ACSL4: variants seen among roughly 807,000 people sequenced by gnomAD.
ACSL4 encodes the protein long-chain-fatty-acid--CoA ligase 4.
A neutral mutation model predicts 49.1 loss-of-function variants in ACSL4; 9 were observed. The ratio of observed to expected loss-of-function variants is 0.18; its 90% confidence interval spans 0.11 to 0.32. The LOEUF (loss-of-function observed/expected upper bound fraction) is 0.32. Ranked by LOEUF, ACSL4 falls within the 10% of genes least tolerant of loss-of-function variation. The pLI, the probability that ACSL4 is intolerant of heterozygous loss-of-function variation, is 1.00. For missense variants in ACSL4, 333 were observed against 493.7 expected (o/e 0.67, Z 3.08); for synonymous variants, 191 against 170.3 (o/e 1.12, Z -0.95).
intron 1 of ACSL4, among the ~76,000 whole-genome samples, chrX:109,707,441 C>T (rs753423252): frequency 6.2e-5 from 7 of 112,163 alleles, no homozygotes; most frequent in Admixed American, 9.5e-5. Flanking sequence ...GTTATACTTC[C>T]TGCACTTGTA....
intron 6 of ACSL4, among the ~76,000 whole-genome samples, 182 bp downstream of exon 6, chrX:109,680,816 T>C (rs1363168645): frequency 2.7e-5 from 3 of 112,604 alleles, no homozygotes; most frequent in Non-Finnish European, 3.8e-5. Context: ...CTTATTTTTT[T>C]TGAGGAGAAA....
intron 9 of ACSL4, among the ~76,000 whole-genome samples, chrX:109,673,479 G>T (rs376108351): frequency 1.8e-5 from 2 of 112,414 alleles, no homozygotes; most frequent in East Asian, 5.6e-4. Flanking sequence ...TATGGTTTTA[G>T]TCAGATGCCT....
At chrX:109,665,577 C>A in intron 11 of ACSL4, 83 bp from the exon 12 acceptor site, 1 of 840,511 alleles carries the variant, frequency 1.2e-6, no homozygotes, top group Non-Finnish European at 1.8e-6. Context: ...GAGTTAGAAC[C>A]AGAGTCAGAA....
At position 109,682,686 on chromosome X, in the gene ACSL4, C is replaced by T. The variant is rs148309092; in HGVS notation, c.406+33G>A. ...ATTCTCACATGCAAGCAAAGACCCT[C>T]CTCTCCCCCCTCCAAAAACACAAGG... On this transcript the variant is annotated intron_variant, in intron 4 of 15. Coordinates refer to ENST00000672401, the MANE Select transcript of ACSL4 (RefSeq NM_001318510.2). 1.0e-3 allele frequency: 1,251 copies of T among 1,203,157 alleles called. 11 individuals carry two copies. The African/African-American group carries it at 0.017, about 17-fold the overall frequency.
chrX:109,698,768 A>T (rs1427555682), intron 1 of ACSL4, among the ~76,000 whole-genome samples: 5 of 112,336 alleles, frequency 4.5e-5, no homozygotes, highest in Admixed American at 2.8e-4. Context: ...AAAGTGATAT[A>T]AAAAAAGTAA....
chrX:109,678,062 G>C lies in ACSL4; in HGVS notation c.856C>G (p.Leu286Val), dbSNP rs775789189. The change falls in exon 8 of 16, where the codon CTG becomes GTG. Residue 286 changes from leucine (L) to valine (V), a missense_variant. Physicochemically the swap from Leu to Val is conservative, Grantham distance 32 (BLOSUM62 1). Around this residue, in one of 3 missense-constraint regions of ACSL4, gnomAD observed 1 missense variants for 16.8 expected, o/e 0.06. Transcript: ENST00000672401. ...GYLPLAHVLE[L>V]TAEISCFTYG... ...GTAAAGCAAGATATCTCTGCTGTCAGTTCTAGCACATGAGCCAAAGGCAAG... is the reference window on the plus strand; with the variant it reads ...GTAAAGCAAGATATCTCTGCTGTCACTTCTAGCACATGAGCCAAAGGCAAG... 4 of 1,211,056 alleles carry C rather than the reference G, an allele frequency of 3.3e-6. No individual in the cohort carries two copies. Among genetic ancestry groups the C allele is most frequent in the Non-Finnish European group, 4.5e-6 (4 of 894,577 alleles).
intron 1 of ACSL4, among the ~76,000 whole-genome samples, chrX:109,727,351 C>T (rs1300248882): frequency 9.0e-6 from 1 of 111,433 alleles, no homozygotes; most frequent in African/African-American, 3.3e-5. Context: ...GGAGCAAAAA[C>T]ACTACCATGC....
Position 109,642,736 on chromosome X carries a change from C to T in ACSL4, c.*1293G>A, listed in dbSNP as rs1295855988. On this transcript the variant is annotated 3_prime_UTR_variant, in exon 16 of 16. Coordinates refer to ENST00000672401, the MANE Select transcript of ACSL4 (RefSeq NM_001318510.2). ...TAATCCCAGGTTTTAATTAAAGATT[C>T]AAAAAGAAACCACACTCCCAAGTTA... 1 of 111,099 alleles carries T rather than the reference C, an allele frequency of 9.0e-6. No individual in the cohort carries two copies. The highest frequency in any genetic ancestry group is 2.8e-4 in the East Asian group (1 of 3,587). 9.2% of individuals were successfully genotyped at this position (111,099 alleles called of 1,213,427 possible).
chrX:109,697,984 T>C (rs1420374188), intron 1 of ACSL4, among the ~76,000 whole-genome samples: 1 of 111,040 alleles, frequency 9.0e-6, no homozygotes, highest in Admixed American at 9.6e-5. Flanking sequence ...AATAACTCCA[T>C]AAATAAATAT....
chrX:109,716,681 A>C (rs893792027), intron 1 of ACSL4, among the ~76,000 whole-genome samples: 4 of 112,213 alleles, frequency 3.6e-5, no homozygotes, highest in African/African-American at 9.7e-5. Context: ...AGTATAAGGC[A>C]CTTTTGCATA....
chrX:109,723,198 T>C (rs1158211175), intron 1 of ACSL4, among the ~76,000 whole-genome samples: 1 of 111,710 alleles, frequency 9.0e-6, no homozygotes, highest in African/African-American at 3.3e-5. Flanking sequence ...AAATGTTTAA[T>C]ATTAGTAATC....
At chrX:109,727,657 TTGTGTG>T (rs35186119) in intron 1 of ACSL4, among the ~76,000 whole-genome samples, 5,911 of 88,111 alleles carry the variant, frequency 0.067, 283 homozygotes, top group East Asian at 0.14. Flanking sequence ...GTTTGTTAAA[TTGTGTG>T]TGTGTGTGTG....
Position 109,644,140 on chromosome X carries a change from T to G in ACSL4, c.1902A>C (p.Pro634=). 8.3e-7 allele frequency: 1 copy of G among 1,210,389 alleles called. No homozygotes were observed. The highest frequency in any genetic ancestry group is 1.1e-6 in the Non-Finnish European group (1 of 894,520). Reference sequence around the variant, plus strand: ...AACCAGTTTCAGGGGTCCATGGCTCTGGGCTTAATCGAACCTTGATTGGAA... The same window carrying G: ...AACCAGTTTCAGGGGTCCATGGCTCGGGGCTTAATCGAACCTTGATTGGAA... The part of the protein sequence containing the change: ...FEIPIKVRLS[P]EPWTPETGLV... The change falls in exon 16 of 16, where the codon CCA becomes CCC. Residue 634 remains proline, a synonymous_variant. Coordinates refer to ENST00000672401, the MANE Select transcript of ACSL4 (RefSeq NM_001318510.2).
At position 109,644,064 on chromosome X, in the gene ACSL4, G is replaced by T; in HGVS notation, c.1978C>A (p.Leu660Ile). The T allele has an allele frequency of 8.3e-7, 1 of 1,211,325 alleles. No individual in the cohort carries two copies. Among genetic ancestry groups the T allele is most frequent in the Non-Finnish European group, 1.1e-6 (1 of 895,260 alleles). ...CCATACATTCGTTCAATGTCTTTGA[G>T]GTAATGGTTCCTCAGCTCCTTCCTT... ...LKRKELRNHYLKDIERMYGGK is the reference protein window; with the variant it reads ...LKRKELRNHYIKDIERMYGGK Residue 660 changes from leucine (L) to isoleucine (I), a missense_variant, in exon 16 of 16, where the codon CTC becomes ATC. Physicochemically the swap from Leu to Ile is conservative, Grantham distance 5. Coordinates refer to ENST00000672401, the MANE Select transcript of ACSL4 (RefSeq NM_001318510.2).
chrX:109,700,984 C>T (rs1482944693), intron 1 of ACSL4, among the ~76,000 whole-genome samples: 3 of 107,476 alleles, frequency 2.8e-5, no homozygotes, highest in African/African-American at 1.0e-4. Context: ...CAGAGGCTGC[C>T]GTGAGCCGAG....
At chrX:109,698,556 G>A (rs1276493847) in intron 1 of ACSL4, among the ~76,000 whole-genome samples, 1 of 111,089 alleles carries the variant, frequency 9.0e-6, no homozygotes, top group Non-Finnish European at 1.9e-5. Flanking sequence ...TGTTAGCCTA[G>A]CAAATTTTTA....
chrX:109,644,285 A>G, intron 15 of ACSL4, 99 bp from the exon 16 acceptor site: 1 of 801,440 alleles, frequency 1.2e-6, no homozygotes, highest in Admixed American at 3.5e-5. Context: ...AGCAATTAAT[A>G]AAATATGAGT....
At chrX:109,661,785 T>C (rs961336995) in intron 13 of ACSL4, 140 bp from the exon 14 acceptor site, 1 of 495,701 alleles carries the variant, frequency 2.0e-6, no homozygotes, top group Non-Finnish European at 3.5e-6. Flanking sequence ...GCAAAAGTAA[T>C]TGTGGTTTTT....
intron 9 of ACSL4, among the ~76,000 whole-genome samples, chrX:109,672,888 C>A (rs1207141046): frequency 9.0e-6 from 1 of 110,571 alleles, no homozygotes; most frequent in Non-Finnish European, 1.9e-5. Context: ...TGCAGCCCAG[C>A]AGGAAAGGAG....
Sources: gnomAD v4.1 joint callset for allele counts (sites outside exome capture counted in the v4.1 genomes callset) on GRCh38, gnomAD v4.1.1 for gene constraint, gnomAD v4.1.1 regional missense constraint, MANE v1.5 for transcripts, NCBI Gene and HGNC (gene_info 2026-07-23, HGNC 2026-07-21) for gene names.